C17orf113: variants seen among roughly 807,000 people sequenced by gnomAD.
C17orf113 encodes chromosome 17 open reading frame 113, also known as uncharacterized protein C17orf113.
Under a neutral mutation model 11.6 loss-of-function variants are expected in C17orf113, and 5 were observed. The ratio of observed to expected loss-of-function variants is 0.43; its 90% confidence interval spans 0.23 to 0.91. C17orf113 has a LOEUF of 0.91. Ranked by LOEUF, C17orf113 falls within the 40% of genes least tolerant of loss-of-function variation. C17orf113 has a pLI of 0.26. For missense variants in C17orf113, 714 were observed against 841.3 expected (o/e 0.85, Z 1.87); for synonymous variants, 327 against 390.6 (o/e 0.84, Z 1.92).
intron 1 of C17orf113, among the ~76,000 whole-genome samples, chr17:42,044,415 G>A (rs1203858641): frequency 1.6e-4 from 24 of 150,748 alleles, no homozygotes; most frequent in African/African-American, 5.4e-4. Flanking sequence ...TCAGGAGTCC[G>A]AGACCAGCCT....
At position 42,038,497 on chromosome 17, in the gene C17orf113, G is replaced by A; in HGVS notation, c.*1208C>T. On this transcript the variant is annotated 3_prime_UTR_variant, in exon 3 of 3. Transcript: ENST00000587304. ...TTGGGCCTCGACGCCAGTCCTTGGA[G>A]GTGGCAGGTACAGCACTGTGGTTTT... is the stretch of plus-strand genomic sequence containing the variant. The A allele has an allele frequency of 6.0e-6, 1 of 166,302 alleles. No individual in the cohort carries two copies. Among genetic ancestry groups the A allele is most frequent in the Non-Finnish European group, 1.3e-5 (1 of 78,196 alleles). 10.3% of individuals were successfully genotyped at this position (166,302 alleles called of 1,614,324 possible). A position where few individuals can be genotyped will look rare whatever the true frequency, so the allele number is the denominator to read the frequency against.
At position 42,040,167 on chromosome 17, in the gene C17orf113, G is replaced by A; in HGVS notation, c.1566C>T (p.Asp522=). 3 of 1,231,598 alleles carry A rather than the reference G, an allele frequency of 2.4e-6. No individual in the cohort carries two copies. Among genetic ancestry groups the A allele is most frequent in the Non-Finnish European group, 3.0e-6 (3 of 987,854 alleles). 76.3% of individuals were successfully genotyped at this position (1,231,598 alleles called of 1,614,324 possible). A position where few individuals can be genotyped will look rare whatever the true frequency, so the allele number is the denominator to read the frequency against. The change falls in exon 3 of 3, where the codon GAC becomes GAT. Residue 522 remains aspartate (D), a synonymous_variant. Coordinates refer to ENST00000587304, the MANE Select transcript of C17orf113 (RefSeq NM_001358661.2). ...CCGGCGCCTGCGGGTAGCGTCGGGG[G>A]TCGAAGATCGCTGCGAAGGCGGCCA... is the stretch of plus-strand genomic sequence containing the variant. ...DAVAAFAAIF[D]PRRYPQAPEE... is the part of the protein sequence containing the mutation.
At position 42,043,323 on chromosome 17, in the gene C17orf113, C is replaced by T; in HGVS notation, c.54G>A (p.Lys18=). 1 of 1,232,258 alleles carries T rather than the reference C, an allele frequency of 8.1e-7. No homozygotes were observed. The highest frequency in any genetic ancestry group is 1.0e-6 in the Non-Finnish European group (1 of 988,010). 76.3% of individuals were successfully genotyped at this position (1,232,258 alleles called of 1,614,324 possible). Residue 18 remains lysine, a synonymous_variant, in exon 2 of 3, where the codon AAG becomes AAA. Transcript: ENST00000587304. Reference sequence around the variant, plus strand: ...AGTGCTCGTTGAAGTAACGCTTACACTTCTTGTTGGAGTTGGAGGCCTCTC... The same window carrying T: ...AGTGCTCGTTGAAGTAACGCTTACATTTCTTGTTGGAGTTGGAGGCCTCTC... The part of the protein sequence containing the change: ...PAGEASNSNK[K]CKRYFNEHWK...
At chr17:42,044,093 C>CCCA (rs560147063) in intron 1 of C17orf113, among the ~76,000 whole-genome samples, 132 of 146,734 alleles carry the variant, frequency 9.0e-4, no homozygotes, top group African/African-American at 3.2e-3. Flanking sequence ...CTCACTTAAG[C>CCCA]CCAGGAGTTC....
chr17:42,046,953 C>T (rs1555656669), intron 1 of C17orf113, among the ~76,000 whole-genome samples: 1 of 151,880 alleles, frequency 6.6e-6, no homozygotes, highest in African/African-American at 2.4e-5. Context: ...ATCTCCACCT[C>T]CCGGATTCAA....
At position 42,040,220 on chromosome 17, in the gene C17orf113, A is replaced by C. The variant is rs2052981809; in HGVS notation, c.1513T>G (p.Ser505Ala). Residue 505 changes from serine (S) to alanine (A), a missense_variant, in exon 3 of 3, where the codon TCC becomes GCC. Coordinates refer to ENST00000587304, the MANE Select transcript of C17orf113 (RefSeq NM_001358661.2). ...GCGTCCAGCGAAGGCCCGGGGTAGGAGTCCTGTAGGCCCTTCCGCATGGAG... is the reference window on the plus strand; with the variant it reads ...GCGTCCAGCGAAGGCCCGGGGTAGGCGTCCTGTAGGCCCTTCCGCATGGAG... ...LDSMRKGLQD[S>A]YPGPSLDAVA... 8.1e-7 allele frequency: 1 copy of C among 1,231,442 alleles called. No individual in the cohort carries two copies. Among genetic ancestry groups the C allele is most frequent in the South Asian group, 4.1e-5 (1 of 24,328 alleles). 76.3% of individuals were successfully genotyped at this position (1,231,442 alleles called of 1,614,324 possible). A position where few individuals can be genotyped will look rare whatever the true frequency, so the allele number is the denominator to read the frequency against.
In C17orf113 at chr17:42,043,322, A is replaced by G; in HGVS notation, c.55T>C (p.Cys19Arg). The G allele has an allele frequency of 3.2e-6, 4 of 1,232,206 alleles. No homozygotes were observed. Among genetic ancestry groups the G allele is most frequent in the East Asian group, 3.2e-5 (1 of 31,706 alleles). 76.3% of individuals were successfully genotyped at this position (1,232,206 alleles called of 1,614,324 possible). Residue 19 changes from cysteine (C) to arginine (R), a missense_variant, in exon 2 of 3, where the codon TGT becomes CGT. By Grantham distance (180) the Cys-to-Arg change is radical (BLOSUM62 -3). Transcript: ENST00000587304. ...AGEASNSNKK[C>R]KRYFNEHWKE... ...CAGTGCTCGTTGAAGTAACGCTTAC[A>G]CTTCTTGTTGGAGTTGGAGGCCTCT...
chr17:42,039,494 C>T lies in C17orf113; in HGVS notation c.*211G>A, dbSNP rs541244660. 85 of 405,712 alleles carry T rather than the reference C, an allele frequency of 2.1e-4. No homozygotes were observed. The highest frequency in any genetic ancestry group is 1.6e-3 in the African/African-American group (77 of 48,806). The allele number at this position is 405,712 out of a possible 1,614,324, so 25.1% of individuals were successfully genotyped here. ...CCCAGATCCTAGCATCTCTGCCCAC[C>T]CGCCCAGGCCCCTCTTGAGCCAGTC... On this transcript the variant is annotated 3_prime_UTR_variant, in exon 3 of 3. Coordinates refer to ENST00000587304, the MANE Select transcript of C17orf113 (RefSeq NM_001358661.2).
rs1465160078 is a variant in C17orf113 at position 42,050,123 on chromosome 17, G to A, written c.-188+434C>T. On this transcript the variant is annotated intron_variant, in intron 1 of 2. Transcript: ENST00000587304. This position sits in a 1 kb window ranked among gnomAD's most constrained non-coding sequence, Gnocchi z 5.6. ...GGAGGGCACACTTGCTGCAGACACA[G>A]GTCTCCTCTCATTTCTCTCCACACC... 3.3e-5 allele frequency among the ~76,000 whole-genome samples: 5 copies of A among 152,262 alleles called. No individual in the cohort carries two copies. Among genetic ancestry groups the A allele is most frequent in the African/African-American group, 1.2e-4 (5 of 41,572 alleles).
Position 42,040,390 on chromosome 17 carries a change from G to T in C17orf113, c.1343C>A (p.Ala448Asp). Residue 448 changes from alanine (A) to aspartate (D), a missense_variant, in exon 3 of 3, where the codon GCC becomes GAC. Physicochemically the swap from Ala to Asp is moderately radical, Grantham distance 126. This residue lies in a region of C17orf113 where 516 missense variants were observed against 626.6 expected (regional missense o/e 0.82). Coordinates refer to ENST00000587304, the MANE Select transcript of C17orf113 (RefSeq NM_001358661.2). The stretch of plus-strand genomic sequence containing the variant: ...TTCCTGCAGGAAGCCCTGGAGGCGG[G>T]CCCCACCTGAGCCGCGCTGAGCTTG... ...SLQAQRGSGG[A>D]RLQGFLQELA... 1.6e-6 allele frequency: 2 copies of T among 1,231,974 alleles called. No homozygotes were observed. The highest frequency in any genetic ancestry group is 2.0e-6 in the Non-Finnish European group (2 of 987,962). The allele number at this position is 1,231,974 out of a possible 1,614,324, so 76.3% of individuals were successfully genotyped here. A position where few individuals can be genotyped will look rare whatever the true frequency, so the allele number is the denominator to read the frequency against.
Position 42,040,140 on chromosome 17 carries a change from C to T in C17orf113, c.1593G>A (p.Glu531=). 1.6e-6 allele frequency: 2 copies of T among 1,231,468 alleles called. No homozygotes were observed. The highest frequency in any genetic ancestry group is 4.2e-5 in the Admixed American group (1 of 23,720). 76.3% of individuals were successfully genotyped at this position (1,231,468 alleles called of 1,614,324 possible). Residue 531 remains glutamate, a synonymous_variant, in exon 3 of 3, where the codon GAG becomes GAA. Coordinates refer to ENST00000587304, the MANE Select transcript of C17orf113 (RefSeq NM_001358661.2). ...FDPRRYPQAP[E]ELGTHGEGAL... is the part of the protein sequence containing the mutation. ...CCCCCTCGCCATGCGTGCCCAGCTC[C>T]TCCGGCGCCTGCGGGTAGCGTCGGG...
In C17orf113 at chr17:42,040,419, G is replaced by A; in HGVS notation, c.1314C>T (p.Ser438=). 1 of 1,232,078 alleles carries A rather than the reference G, an allele frequency of 8.1e-7. No homozygotes were observed. The highest frequency in any genetic ancestry group is 1.0e-6 in the Non-Finnish European group (1 of 987,962). 76.3% of individuals were successfully genotyped at this position (1,232,078 alleles called of 1,614,324 possible). ...CACCTGAGCCGCGCTGAGCTTGGAG[G>A]GAGGCCGCAGCCGCCATCACCAGAG... ...LQPLVMAAAA[S]LQAQRGSGGA... The change falls in exon 3 of 3, where the codon TCC becomes TCT. Residue 438 remains serine (S), a synonymous_variant. Coordinates refer to ENST00000587304, the MANE Select transcript of C17orf113 (RefSeq NM_001358661.2).
chr17:42,043,640 C>T (rs145915885), intron 1 of C17orf113, 77 bp from the exon 2 acceptor site: 116 of 313,436 alleles, frequency 3.7e-4, no homozygotes, highest in African/African-American at 2.3e-3. Context: ...TGGTAGGCTT[C>T]ATGCTGCCCA....
In C17orf113 at chr17:42,039,908, C is replaced by T. The variant is rs1413518804; in HGVS notation, c.1825G>A (p.Ala609Thr). Reference protein sequence around the residue: ...ALAALALALPAGAGLLDKVGR... With the variant: ...ALAALALALPTGAGLLDKVGR... ...ACCTTGTCCAGCAGGCCAGCGCCCG[C>T]GGGCAGCGCCAAAGCCAAGGCGGCT... The change falls in exon 3 of 3, where the codon GCG (alanine) becomes ACG (threonine). Residue 609 changes from alanine to threonine, a missense_variant. Ala to Thr is a moderately conservative substitution (Grantham distance 58, BLOSUM62 0). Around this residue, in one of 3 missense-constraint regions of C17orf113, gnomAD observed 194 missense variants for 197.2 expected, o/e 0.98. Transcript: ENST00000587304. 4.9e-6 allele frequency: 6 copies of T among 1,231,242 alleles called. No homozygotes were observed. The highest frequency in any genetic ancestry group is 1.6e-5 in the African/African-American group (1 of 64,414). The allele number at this position is 1,231,242 out of a possible 1,614,324, so 76.3% of individuals were successfully genotyped here. A position where few individuals can be genotyped will look rare whatever the true frequency, so the allele number is the denominator to read the frequency against.
Position 42,040,484 on chromosome 17 carries a change from C to T in C17orf113, c.1249G>A (p.Val417Ile), listed in dbSNP as rs1455157731. The change falls in exon 3 of 3, where the codon GTC becomes ATC. Residue 417 changes from valine to isoleucine, a missense_variant. Physicochemically the swap from Val to Ile is conservative, Grantham distance 29 (BLOSUM62 3). Transcript: ENST00000587304. ...ALPSVQKLSLVLQAEEPDLAL... is the reference protein window; with the variant it reads ...ALPSVQKLSLILQAEEPDLAL... ...AAGTCCGGCTCTTCTGCCTGCAGGA[C>T]AAGGGAGAGCTTCTGCACAGAGGGC... 4 of 1,232,240 alleles carry T rather than the reference C, an allele frequency of 3.2e-6. No homozygotes were observed. The East Asian group carries it at 9.5e-5, about 29-fold the overall frequency. The allele number at this position is 1,232,240 out of a possible 1,614,324, so 76.3% of individuals were successfully genotyped here.
Position 42,043,524 on chromosome 17 carries a change from C to G in C17orf113, c.-148G>C. The G allele has an allele frequency of 7.2e-6, 4 of 559,004 alleles. No individual in the cohort carries two copies. Among genetic ancestry groups the G allele is most frequent in the Non-Finnish European group, 1.1e-5 (4 of 374,058 alleles). The allele number at this position is 559,004 out of a possible 1,614,324, so 34.6% of individuals were successfully genotyped here. A position where few individuals can be genotyped will look rare whatever the true frequency, so the allele number is the denominator to read the frequency against. On this transcript the variant is annotated 5_prime_UTR_variant, in exon 2 of 3. Coordinates refer to ENST00000587304, the MANE Select transcript of C17orf113 (RefSeq NM_001358661.2). ...CGCCAGGCTAACAGGGCCCATCCAT[C>G]TAAGCCTGGAGAGTTTATTCCTGCT...
Position 42,039,589 on chromosome 17 carries a change from G to C in C17orf113, c.*116C>G, listed in dbSNP as rs1410400812. 1.0e-6 allele frequency: 1 copy of C among 1,004,858 alleles called. No homozygotes were observed. Among genetic ancestry groups the C allele is most frequent in the African/African-American group, 1.7e-5 (1 of 60,042 alleles). 62.2% of individuals were successfully genotyped at this position (1,004,858 alleles called of 1,614,324 possible). A position where few individuals can be genotyped will look rare whatever the true frequency, so the allele number is the denominator to read the frequency against. On this transcript the variant is annotated 3_prime_UTR_variant, in exon 3 of 3. Transcript: ENST00000587304. Reference sequence around the variant, plus strand: ...CCAGAAGGGCGGGTGGATGGCCTCAGGCCCCTGGGAGGCTGCAGTCAGCAG... The same window carrying C: ...CCAGAAGGGCGGGTGGATGGCCTCACGCCCCTGGGAGGCTGCAGTCAGCAG...
chr17:42,048,951 A>C (rs1328719524), intron 1 of C17orf113, among the ~76,000 whole-genome samples: 3 of 151,936 alleles, frequency 2.0e-5, no homozygotes, highest in African/African-American at 7.3e-5. Flanking sequence ...CAAAAAAAAA[A>C]AAAACAAAAA....
In C17orf113 at chr17:42,038,256, T is replaced by A. The variant is rs1409600853; in HGVS notation, c.*1449A>T. On this transcript the variant is annotated 3_prime_UTR_variant, in exon 3 of 3. Transcript: ENST00000587304. ...ATGATGTGCTGGGATTCCATTTTAT[T>A]GCAAATTAAACTCAAACCCAGGGGT... 1 of 555,474 alleles carries A rather than the reference T, an allele frequency of 1.8e-6. No homozygotes were observed. The highest frequency in any genetic ancestry group is 3.1e-6 in the Non-Finnish European group (1 of 321,760). The allele number at this position is 555,474 out of a possible 1,614,324, so 34.4% of individuals were successfully genotyped here.
Sources: gnomAD v4.1 joint callset for allele counts (sites outside exome capture counted in the v4.1 genomes callset) on GRCh38, gnomAD v4.1.1 for gene constraint, gnomAD v4.1.1 regional missense constraint, Gnocchi (gnomAD v3.1) non-coding constraint, MANE v1.5 for transcripts, NCBI Gene and HGNC (gene_info 2026-07-23, HGNC 2026-07-21) for gene names.